FOXP1: variants seen among roughly 807,000 people sequenced by gnomAD.
FOXP1 encodes forkhead box P1.
FOXP1 carries 15 observed loss-of-function variants against 98.2 expected under a neutral mutation model. The ratio of observed to expected loss-of-function variants is 0.15; its 90% CI spans 0.10 to 0.24. The LOEUF (loss-of-function observed/expected upper bound fraction) is 0.24, where lower values mean the gene tolerates loss of function less well. Ranked by LOEUF, FOXP1 falls within the 10% of genes least tolerant of loss-of-function variation. The pLI, the probability that FOXP1 is intolerant of heterozygous loss-of-function variation, is 1.00. For synonymous variants in FOXP1, 371 were observed against 314.5 expected (o/e 1.18, Z -1.90); for missense variants, 633 against 848.5 (o/e 0.75, Z 3.15).
intron 5 of FOXP1, among the ~76,000 whole-genome samples, chr3:71,257,951 A>T (rs941289938): frequency 3.3e-5 from 5 of 152,250 alleles, no homozygotes; most frequent in African/African-American, 1.2e-4. Context: ...AGGAGCAAAC[A>T]TGACAGTGAA....
In FOXP1 at chr3:71,109,645, A is replaced by G. The variant is rs548033670; in HGVS notation, c.282+2891T>C. 1.3e-5 allele frequency among the ~76,000 whole-genome samples: 2 copies of G among 152,324 alleles called. 1 individual carries two copies. Among genetic ancestry groups the G allele is most frequent in the East Asian group, 3.9e-4 (2 of 5,188 alleles). ...CGCCTCAGCAAGGATGCAGTATGGC[A>G]AGATATATTTAAATATGAAGGTTAT... On this transcript the variant is annotated intron_variant, in intron 7 of 20. Transcript: ENST00000649528.
chr3:71,343,519 T>C (rs1233419221), intron 4 of FOXP1, among the ~76,000 whole-genome samples: 1 of 151,754 alleles, frequency 6.6e-6, no homozygotes, highest in Non-Finnish European at 1.5e-5. Context: ...AAGTTCTTTT[T>C]TTCCCCCTAC....
intron 17 of FOXP1, among the ~76,000 whole-genome samples, chr3:70,975,142 G>A (rs972475147): frequency 3.3e-5 from 5 of 152,124 alleles, no homozygotes; most frequent in Admixed American, 2.0e-4. Context: ...TTTGCAAAAC[G>A]AAAAAGTGCA....
At chr3:71,404,488 T>G (rs1263180962) in intron 3 of FOXP1, among the ~76,000 whole-genome samples, 3 of 152,030 alleles carry the variant, frequency 2.0e-5, no homozygotes, top group Non-Finnish European at 4.4e-5. Flanking sequence ...GTTAATTTGT[T>G]TCCCAAAAAT....
At chr3:71,131,215 C>T (rs532976136) in intron 6 of FOXP1, among the ~76,000 whole-genome samples, 2 of 152,158 alleles carry the variant, frequency 1.3e-5, no homozygotes, top group African/African-American at 4.8e-5. Context: ...AACCAAACTA[C>T]CTGTTTATCT....
At chr3:71,467,174 C>T (rs769333003) in intron 3 of FOXP1, among the ~76,000 whole-genome samples, 3 of 152,142 alleles carry the variant, frequency 2.0e-5, no homozygotes, top group Non-Finnish European at 2.9e-5. Flanking sequence ...TATACATACA[C>T]GTACATGCAT....
At chr3:71,066,457 C>T (rs1285143867) in intron 7 of FOXP1, among the ~76,000 whole-genome samples, 1 of 152,136 alleles carries the variant, frequency 6.6e-6, no homozygotes, top group Non-Finnish European at 1.5e-5. Flanking sequence ...GAATATTCAA[C>T]AGAGAACCAA....
chr3:71,422,179 G>A (rs1200735106), intron 3 of FOXP1, among the ~76,000 whole-genome samples: 6 of 152,208 alleles, frequency 3.9e-5, no homozygotes, highest in South Asian at 2.1e-4. Flanking sequence ...AGGACAACAC[G>A]TAAGGAAGTT....
At chr3:71,377,350 T>C (rs1025995255) in intron 3 of FOXP1, among the ~76,000 whole-genome samples, 1 of 152,234 alleles carries the variant, frequency 6.6e-6, no homozygotes, top group Non-Finnish European at 1.5e-5. Context: ...GAAATATTTT[T>C]TATTTAATCA....
Position 71,328,974 on chromosome 3 carries a change from T to TAAAAAAAAAAAAAA in FOXP1, c.-72-29108_-72-29095dup, listed in dbSNP as rs869252301. 9.3e-4 allele frequency among the ~76,000 whole-genome samples: 29 copies of TAAAAAAAAAAAAAA among 31,184 alleles called. 5 individuals carry two copies. The highest frequency in any genetic ancestry group is 1.6e-3 in the Non-Finnish European group (26 of 16,074). 20.5% of individuals were successfully genotyped at this position (31,184 alleles called of 152,430 possible). A position where few individuals can be genotyped will look rare whatever the true frequency, so the allele number is the denominator to read the frequency against. Reference sequence around the variant, plus strand: ...CAACAAGAGCGAAACTCCATCTCGCTAAAAAAAAAAAAAAACAAAAAAAAA... The same window carrying TAAAAAAAAAAAAAA: ...CAACAAGAGCGAAACTCCATCTCGCTAAAAAAAAAAAAAAAAAAAAAAAAAAAAACAAAAAAAAA... On this transcript the variant is annotated intron_variant, in intron 4 of 20. Coordinates refer to ENST00000649528, the MANE Select transcript of FOXP1 (RefSeq NM_001349338.3).
At chr3:71,247,964 G>A (rs1243633877) in intron 5 of FOXP1, among the ~76,000 whole-genome samples, 3 of 152,146 alleles carry the variant, frequency 2.0e-5, no homozygotes, top group South Asian at 2.1e-4. Context: ...TGCATGAATC[G>A]GGCTTGCCTC....
intron 4 of FOXP1, chr3:71,304,734 T>C (rs2074134389): frequency 6.6e-6 from 1 of 152,226 alleles, no homozygotes; most frequent in Non-Finnish European, 1.5e-5. Context: ...GCCTCACTGT[T>C]AATAAATGCT....
At chr3:71,335,688 T>C (rs1294182761) in intron 4 of FOXP1, among the ~76,000 whole-genome samples, 1 of 152,124 alleles carries the variant, frequency 6.6e-6, no homozygotes, top group East Asian at 1.9e-4. Flanking sequence ...AGATAAATGG[T>C]TGATTTCAAT....
chr3:70,965,193 T>A (rs1056031701), intron 20 of FOXP1, among the ~76,000 whole-genome samples: 4 of 152,200 alleles, frequency 2.6e-5, no homozygotes, highest in African/African-American at 7.2e-5. Context: ...GAGGGTGTTA[T>A]AGTTACACCA....
intron 4 of FOXP1, among the ~76,000 whole-genome samples, chr3:71,328,974 TA>T (rs869252301): frequency 3.9e-4 from 12 of 31,166 alleles, no homozygotes; most frequent in African/African-American, 9.9e-4. Flanking sequence ...TCCATCTCGC[TA>T]AAAAAAAAAA....
intron 7 of FOXP1, among the ~76,000 whole-genome samples, chr3:71,103,196 G>A (rs554387081): frequency 6.6e-6 from 1 of 152,268 alleles, no homozygotes; most frequent in African/African-American, 2.4e-5. Flanking sequence ...ATGAATGAAT[G>A]CATGCATGTA....
chr3:70,978,535 A>AAAATT (rs1292871008), intron 14 of FOXP1, among the ~76,000 whole-genome samples: 4 of 152,154 alleles, frequency 2.6e-5, no homozygotes. Context: ...GATTTTTATT[A>AAAATT]AAATTAAACT....
intron 4 of FOXP1, among the ~76,000 whole-genome samples, chr3:71,357,639 A>G (rs1264309286): frequency 6.6e-6 from 1 of 152,194 alleles, no homozygotes; most frequent in African/African-American, 2.4e-5. Flanking sequence ...GGATGTAAGC[A>G]GGCATCATTG....
At chr3:71,207,800 A>C (rs1379018788) in intron 5 of FOXP1, among the ~76,000 whole-genome samples, 3 of 152,332 alleles carry the variant, frequency 2.0e-5, no homozygotes, top group African/African-American at 7.2e-5. Context: ...AAAACATGAC[A>C]AAGGCCAGGC....
Sources: gnomAD v4.1 joint callset for allele counts (sites outside exome capture counted in the v4.1 genomes callset) on GRCh38, gnomAD v4.1.1 for gene constraint, MANE v1.5 for transcripts, NCBI Gene and HGNC (gene_info 2026-07-23, HGNC 2026-07-21) for gene names.